Variants in FAM171A1 observed in about 807,000 individuals in gnomAD.
FAM171A1 encodes family with sequence similarity 171 member A1.
FAM171A1 carries 23 observed loss-of-function variants against 74.9 expected under a neutral mutation model. The ratio of observed to expected loss-of-function variants is 0.31; its 90% confidence interval spans 0.22 to 0.44. The LOEUF (loss-of-function observed/expected upper bound fraction) is 0.44. Ranked by LOEUF, FAM171A1 falls within the 20% of genes least tolerant of loss-of-function variation. The pLI is 1.00. For synonymous variants in FAM171A1, 527 were observed against 505.7 expected, an observed-to-expected ratio of 1.04 and a Z score of -0.57; for missense variants, 1,162 against 1,159.2, an observed-to-expected ratio of 1.00 and a Z score of -0.03.
chr10:15,231,104 CAT>C (rs1311357858), intron 5 of FAM171A1, among the ~76,000 whole-genome samples: 5 of 152,224 alleles, frequency 3.3e-5, no homozygotes, highest in African/African-American at 1.2e-4. Flanking sequence ...AATCTGGAGA[CAT>C]GTGGTAGGAT....
chr10:15,263,217 A>G (rs1192087693), intron 3 of FAM171A1, among the ~76,000 whole-genome samples: 1 of 152,142 alleles, frequency 6.6e-6, no homozygotes, highest in Non-Finnish European at 1.5e-5. Context: ...TTTCTGAGAC[A>G]GCGTGAGGGC....
chr10:15,275,543 C>T (rs1834882419), intron 3 of FAM171A1, among the ~76,000 whole-genome samples: 1 of 151,924 alleles, frequency 6.6e-6, no homozygotes, highest in African/African-American at 2.4e-5. Flanking sequence ...ATGATCAACC[C>T]ACCTAGGCTT....
chr10:15,365,508 C>A (rs1379105179), intron 1 of FAM171A1, among the ~76,000 whole-genome samples: 1 of 152,158 alleles, frequency 6.6e-6, no homozygotes, highest in Non-Finnish European at 1.5e-5. Context: ...TGGTGGCTCC[C>A]ACCTGTAATC....
Position 15,213,126 on chromosome 10 carries a change from C to T in FAM171A1, c.2462G>A (p.Ser821Asn), listed in dbSNP as rs1833913736. 1 of 1,613,980 alleles carries T rather than the reference C, an allele frequency of 6.2e-7. No individual in the cohort carries two copies. The highest frequency in any genetic ancestry group is 1.3e-5 in the African/African-American group (1 of 75,008). The change falls in exon 8 of 8, where the codon AGT (serine) becomes AAT (asparagine). Residue 821 changes from serine (S) to asparagine (N), a missense_variant. Ser to Asn is a conservative substitution (Grantham distance 46). Transcript: ENST00000378116. The surrounding 1 kb of genome is among the most constrained non-coding windows in gnomAD (Gnocchi z 6.8). ...SALRCLLEGSSRRSGGQLPSL... is the reference protein window; with the variant it reads ...SALRCLLEGSNRRSGGQLPSL... ...GGGCAGCTGGCCACCACTTCTCCGA[C>T]TCGACCCCTCCAACAAGCATCGCAG... is the stretch of plus-strand genomic sequence containing the variant.
intron 1 of FAM171A1, among the ~76,000 whole-genome samples, chr10:15,288,813 C>CCT (rs777503257): frequency 2.7e-5 from 2 of 73,688 alleles, no homozygotes; most frequent in African/African-American, 9.6e-5. Flanking sequence ...TTCGGTAATT[C>CCT]TTTTTTTTTT....
chr10:15,331,846 T>TAC (rs1554755836), intron 1 of FAM171A1, among the ~76,000 whole-genome samples: 2 of 45,804 alleles, frequency 4.4e-5, no homozygotes, highest in African/African-American at 1.4e-4. Context: ...TATATGTGTG[T>TAC]ATATATATGT....
chr10:15,229,739 CCCCA>C (rs1834169878), intron 5 of FAM171A1, among the ~76,000 whole-genome samples: 2 of 59,950 alleles, frequency 3.3e-5, no homozygotes, highest in African/African-American at 1.2e-4. Context: ...TCACCATCAC[CCCCA>C]TCACCATCAT....
chr10:15,301,560 T>C (rs961603070), intron 1 of FAM171A1, among the ~76,000 whole-genome samples: 5 of 152,054 alleles, frequency 3.3e-5, no homozygotes, highest in African/African-American at 4.8e-5. Context: ...TGTCTCCCTC[T>C]AGAGCAAAGA....
At chr10:15,370,339 A>G (rs761877672) in intron 1 of FAM171A1, among the ~76,000 whole-genome samples, 1 of 140,212 alleles carries the variant, frequency 7.1e-6, no homozygotes, top group Non-Finnish European at 1.5e-5. Context: ...CAAATCCCTT[A>G]TGGTCTGGAA....
At chr10:15,370,921 A>T in intron 1 of FAM171A1, 35 bp downstream of exon 1, 1 of 1,018,476 alleles carries the variant, frequency 9.8e-7, no homozygotes, top group Non-Finnish European at 1.2e-6. Flanking sequence ...GCCCGGCGCG[A>T]CACAAAGCCC....
At chr10:15,259,495 C>T (rs1028344051) in intron 3 of FAM171A1, among the ~76,000 whole-genome samples, 4 of 152,132 alleles carry the variant, frequency 2.6e-5, no homozygotes, top group African/African-American at 9.7e-5. Context: ...ACCCAGACTA[C>T]AACTGCACCT....
At chr10:15,263,321 C>T (rs1255865633) in intron 3 of FAM171A1, among the ~76,000 whole-genome samples, 2 of 152,164 alleles carry the variant, frequency 1.3e-5, no homozygotes, top group Non-Finnish European at 2.9e-5. Context: ...TCATCCCTTA[C>T]CAGAAATAAT....
intron 5 of FAM171A1, among the ~76,000 whole-genome samples, chr10:15,244,609 C>T (rs1413426117): frequency 6.6e-6 from 1 of 152,164 alleles, no homozygotes; most frequent in Non-Finnish European, 1.5e-5. Flanking sequence ...TAGCATTATG[C>T]CAGAAACTGT....
At chr10:15,350,746 G>A (rs1005113584) in intron 1 of FAM171A1, among the ~76,000 whole-genome samples, 1 of 146,356 alleles carries the variant, frequency 6.8e-6, no homozygotes, top group Non-Finnish European at 1.5e-5. Context: ...TCGAGCGATC[G>A]ATACTCCTGC....
At chr10:15,250,914 T>G (rs997172250) in intron 4 of FAM171A1, among the ~76,000 whole-genome samples, 4 of 152,232 alleles carry the variant, frequency 2.6e-5, no homozygotes, top group Admixed American at 6.5e-5. Flanking sequence ...TAGCAGGTAC[T>G]TGGTAGATAG....
intron 3 of FAM171A1, among the ~76,000 whole-genome samples, chr10:15,274,069 C>G (rs1834862241): frequency 6.6e-6 from 1 of 151,992 alleles, no homozygotes; most frequent in Admixed American, 6.6e-5. Context: ...AAAGGGTATT[C>G]AATTAGGAAA....
intron 1 of FAM171A1, among the ~76,000 whole-genome samples, chr10:15,336,490 G>A (rs1835701277): frequency 6.6e-6 from 1 of 151,808 alleles, no homozygotes; most frequent in Admixed American, 6.6e-5. Flanking sequence ...ATTTTCTCGG[G>A]GCTGCAAAAA....
intron 5 of FAM171A1, among the ~76,000 whole-genome samples, chr10:15,229,813 CCA>C (rs1564616911): frequency 0.013 from 74 of 5,914 alleles, 12 homozygotes; most frequent in African/African-American, 0.037. Context: ...ACCATCACCA[CCA>C]CCATCACCAT....
chr10:15,306,118 G>A (rs531880171), intron 1 of FAM171A1, among the ~76,000 whole-genome samples: 8 of 152,312 alleles, frequency 5.3e-5, no homozygotes, highest in African/African-American at 1.9e-4. Context: ...CAACTCGACC[G>A]TATGTTTCTT....
Sources: gnomAD v4.1 joint callset for allele counts (sites outside exome capture counted in the v4.1 genomes callset) on GRCh38, gnomAD v4.1.1 for gene constraint, Gnocchi (gnomAD v3.1) non-coding constraint, MANE v1.5 for transcripts, NCBI Gene and HGNC (gene_info 2026-07-23, HGNC 2026-07-21) for gene names.